AGMO: variants seen among roughly 807,000 people sequenced by gnomAD.
AGMO encodes glyceryl-ether monooxygenase.
In AGMO, 75 loss-of-function variants were observed where a neutral mutation model predicts 60.2. That is an observed-to-expected ratio of 1.25 (90% CI 1.03 to 1.51). AGMO has a LOEUF of 1.51. AGMO is among the 40% of genes most tolerant of loss of function. The probability of loss-of-function intolerance (pLI) is 0.00; values close to 1 mark genes in which losing one functional copy is unlikely to be tolerated. For missense variants in AGMO, 763 were observed against 525.5 expected (o/e 1.45, Z -4.42); for synonymous variants, 261 against 177.1 (o/e 1.47, Z -3.76).
At chr7:15,246,324 T>G (rs1343712819) in intron 12 of AGMO, among the ~76,000 whole-genome samples, 1 of 152,022 alleles carries the variant, frequency 6.6e-6, no homozygotes. Context: ...TCCTGTGAAC[T>G]GCTGTTATTA....
At chr7:15,558,791 T>C (rs1785223700) in intron 2 of AGMO, among the ~76,000 whole-genome samples, 1 of 152,154 alleles carries the variant, frequency 6.6e-6, no homozygotes. Context: ...TTATGTAATA[T>C]ATGAAATTAT....
chr7:15,229,476 T>C (rs1344294801), intron 12 of AGMO, among the ~76,000 whole-genome samples: 1 of 147,704 alleles, frequency 6.8e-6, no homozygotes, highest in Admixed American at 6.8e-5. Flanking sequence ...AACTAGAAAC[T>C]TCTCCCCATC....
intron 12 of AGMO, among the ~76,000 whole-genome samples, chr7:15,206,990 A>C (rs2115471795): frequency 6.6e-6 from 1 of 152,292 alleles, no homozygotes. Context: ...TCAGTTCCCT[A>C]ATTTTATACA....
chr7:15,406,050 T>A (rs1289803396), intron 5 of AGMO, among the ~76,000 whole-genome samples: 1 of 151,826 alleles, frequency 6.6e-6, no homozygotes, highest in Non-Finnish European at 1.5e-5. Flanking sequence ...TCATGAAATT[T>A]TAGACAGTCC....
chr7:15,274,112 A>T (rs1783706114), intron 12 of AGMO, among the ~76,000 whole-genome samples: 1 of 152,042 alleles, frequency 6.6e-6, no homozygotes, highest in Non-Finnish European at 1.5e-5. Flanking sequence ...AATACCCTTT[A>T]TTTCCTTCTC....
At chr7:15,440,379 G>A (rs929214402) in intron 3 of AGMO, among the ~76,000 whole-genome samples, 11 of 152,158 alleles carry the variant, frequency 7.2e-5, no homozygotes, top group African/African-American at 2.4e-4. Flanking sequence ...AGGGAAGAAT[G>A]AAAGTGAATC....
chr7:15,177,109 CAT>C, the AGMO span, among the ~76,000 whole-genome samples: 52,637 of 151,552 alleles, frequency 0.35, 10,300 homozygotes, highest in Middle Eastern at 0.46. Context: ...GAGGAAAAAA[CAT>C]GATTTAAAAA....
In AGMO at chr7:15,459,999, C is replaced by A. The variant is rs552470969; in HGVS notation, c.410-28891G>T. On this transcript the variant is annotated intron_variant, in intron 3 of 12. Coordinates refer to ENST00000342526, the MANE Select transcript of AGMO (RefSeq NM_001004320.2). ...ATATTCATTTATTTATAAACCAGTA[C>A]CTGTTGAGCACTTACTATGTGTATA... 8.9e-4 allele frequency among the ~76,000 whole-genome samples: 135 copies of A among 152,040 alleles called. No homozygotes were observed. The Middle Eastern group carries it at 0.017, about 19-fold the overall frequency.
chr7:15,186,174 G>C, the AGMO span, among the ~76,000 whole-genome samples: 2 of 152,168 alleles, frequency 1.3e-5, no homozygotes, highest in African/African-American at 2.4e-5. Flanking sequence ...ATATTCTGTT[G>C]GTAATAAGCC....
At chr7:15,233,305 T>C (rs1413515239) in intron 12 of AGMO, among the ~76,000 whole-genome samples, 1 of 152,174 alleles carries the variant, frequency 6.6e-6, no homozygotes, top group Non-Finnish European at 1.5e-5. Context: ...AGGTTGATAG[T>C]GTAAACACTT....
At chr7:15,286,172 A>T (rs12699698) in intron 12 of AGMO, among the ~76,000 whole-genome samples, 4 of 151,872 alleles carry the variant, frequency 2.6e-5, no homozygotes, top group Admixed American at 2.6e-4. Flanking sequence ...CTAGGAAAAT[A>T]ATTTATGACT....
chr7:15,336,939 T>C (rs1451048183), intron 12 of AGMO, among the ~76,000 whole-genome samples: 1 of 152,206 alleles, frequency 6.6e-6, no homozygotes, highest in Non-Finnish European at 1.5e-5. Context: ...TTAAAGTTCA[T>C]GAACTTCAAC....
chr7:15,268,363 G>T (rs532037156), intron 12 of AGMO, among the ~76,000 whole-genome samples: 58 of 151,836 alleles, frequency 3.8e-4, no homozygotes, highest in South Asian at 3.5e-3. Flanking sequence ...ACCTCTTCCC[G>T]CATCTCATAC....
At chr7:15,418,346 GTTTTA>G (rs1465984916) in intron 5 of AGMO, among the ~76,000 whole-genome samples, 8 of 151,892 alleles carry the variant, frequency 5.3e-5, no homozygotes, top group Middle Eastern at 3.2e-3. Context: ...TCAAAAAATT[GTTTTA>G]TTTAATTGAG....
chr7:15,530,355 C>A (rs1784269857), intron 3 of AGMO, among the ~76,000 whole-genome samples: 1 of 108,304 alleles, frequency 9.2e-6, no homozygotes, highest in South Asian at 3.0e-4. Context: ...ATACGTATTT[C>A]TATATATATA....
At chr7:15,242,739 C>T (rs557543962) in intron 12 of AGMO, among the ~76,000 whole-genome samples, 50 of 152,174 alleles carry the variant, frequency 3.3e-4, no homozygotes, top group Non-Finnish European at 5.6e-4. Flanking sequence ...GAGTAAAAAA[C>T]TTCAGGGGAA....
chr7:15,431,232 C>A, intron 3 of AGMO, 124 bp from the exon 4 acceptor site: 1 of 641,994 alleles, frequency 1.6e-6, no homozygotes, highest in Non-Finnish European at 2.7e-6. Context: ...AAAAGCTGGC[C>A]AATATAATTA....
chr7:15,211,514 G>A (rs1312692592), intron 12 of AGMO, among the ~76,000 whole-genome samples: 1 of 151,634 alleles, frequency 6.6e-6, no homozygotes, highest in African/African-American at 2.4e-5. Flanking sequence ...TTTGTTTGGA[G>A]TATTTCTATT....
intron 12 of AGMO, among the ~76,000 whole-genome samples, chr7:15,335,199 G>A (rs1392855783): frequency 6.6e-6 from 1 of 152,090 alleles, no homozygotes; most frequent in East Asian, 1.9e-4. Flanking sequence ...CAGTGGGTTA[G>A]GATTAGATTT....
Sources: allele counts gnomAD v4.1 joint callset (sites outside exome capture counted in the v4.1 genomes callset), GRCh38; gene constraint gnomAD v4.1.1; transcripts MANE v1.5; gene names NCBI Gene and HGNC (gene_info 2026-07-23, HGNC 2026-07-21).